ATP8A2: variants seen among roughly 807,000 people sequenced by gnomAD.
ATP8A2 encodes ATPase phospholipid transporting 8A2.
ATP8A2 carries 100 observed loss-of-function variants against 165.6 expected under a neutral mutation model. That is an observed-to-expected ratio of 0.60 (90% CI 0.51 to 0.71). The LOEUF (loss-of-function observed/expected upper bound fraction) is 0.71, where lower values mean the gene tolerates loss of function less well. Among genes scored for constraint, ATP8A2 ranks in the 30% least tolerant of loss-of-function variants. ATP8A2 has a pLI of 0.00. For synonymous variants in ATP8A2, 543 were observed against 548.8 expected, an observed-to-expected ratio of 0.99 and a Z score of 0.15; for missense variants, 1,227 against 1,479.5, an observed-to-expected ratio of 0.83 and a Z score of 2.80.
intron 27 of ATP8A2, among the ~76,000 whole-genome samples, chr13:25,775,685 T>G (rs2044726109): frequency 6.6e-6 from 1 of 152,206 alleles, no homozygotes; most frequent in African/African-American, 2.4e-5. Flanking sequence ...AGGGGGTGGC[T>G]TTTGAGGCCA....
intron 24 of ATP8A2, among the ~76,000 whole-genome samples, chr13:25,610,872 T>C (rs1456286965): frequency 7.0e-6 from 1 of 143,128 alleles, no homozygotes; most frequent in Non-Finnish European, 1.5e-5. Flanking sequence ...CTTCCTTGGT[T>C]AGGTATATTC....
intron 24 of ATP8A2, among the ~76,000 whole-genome samples, chr13:25,658,591 A>G (rs1056036743): frequency 1.3e-5 from 2 of 152,198 alleles, no homozygotes; most frequent in Admixed American, 6.5e-5. Context: ...GTGAGCAGAG[A>G]TCGCACCATT....
chr13:25,442,245 T>C (rs766129608), intron 1 of ATP8A2, among the ~76,000 whole-genome samples: 1 of 152,198 alleles, frequency 6.6e-6, no homozygotes, highest in African/African-American at 2.4e-5. Flanking sequence ...TCCATTCTTT[T>C]GGGTACATAT....
intron 35 of ATP8A2, among the ~76,000 whole-genome samples, chr13:26,001,720 T>C (rs376362127): frequency 6.6e-6 from 1 of 152,200 alleles, no homozygotes; most frequent in African/African-American, 2.4e-5. Context: ...ATCAAGTTGT[T>C]TGTTTTTTTG....
At chr13:25,514,029 A>G (rs1198121276) in intron 2 of ATP8A2, among the ~76,000 whole-genome samples, 1 of 144,218 alleles carries the variant, frequency 6.9e-6, no homozygotes, top group Non-Finnish European at 1.5e-5. Context: ...AGGGAGAGGG[A>G]CTCTTAATAG....
chr13:25,574,598 C>A (rs751266503), intron 18 of ATP8A2, among the ~76,000 whole-genome samples: 5 of 152,224 alleles, frequency 3.3e-5, no homozygotes, highest in Non-Finnish European at 5.9e-5. Context: ...CACTCCCCAA[C>A]TGTTAGCACT....
At chr13:25,852,339 G>T (rs1379861815) in intron 30 of ATP8A2, among the ~76,000 whole-genome samples, 2 of 152,140 alleles carry the variant, frequency 1.3e-5, no homozygotes, top group African/African-American at 4.8e-5. Context: ...CCCAGACAAA[G>T]AATTATCTGG....
chr13:25,457,574 C>T (rs1566147157), intron 1 of ATP8A2, among the ~76,000 whole-genome samples: 1 of 152,166 alleles, frequency 6.6e-6, no homozygotes, highest in Non-Finnish European at 1.5e-5. Flanking sequence ...GATGGATTTA[C>T]ACATACAGAA....
chr13:25,771,060 A>G (rs2044608697), intron 26 of ATP8A2, among the ~76,000 whole-genome samples: 1 of 152,218 alleles, frequency 6.6e-6, no homozygotes, highest in South Asian at 2.1e-4. Context: ...ATGCAGGGAG[A>G]AATTACAAAA....
chr13:26,013,606 G>A (rs1323964973), intron 36 of ATP8A2, among the ~76,000 whole-genome samples: 1 of 152,078 alleles, frequency 6.6e-6, no homozygotes, highest in East Asian at 1.9e-4. Flanking sequence ...CCTAGGAAGC[G>A]GAGGTTGCAG....
At chr13:25,570,311 TCTTG>T (rs2039428842) in intron 16 of ATP8A2, among the ~76,000 whole-genome samples, 1 of 151,880 alleles carries the variant, frequency 6.6e-6, no homozygotes, top group African/African-American at 2.4e-5. Context: ...TTCCGGAGGA[TCTTG>T]CGAGAGTGAG....
At position 25,848,961 on chromosome 13, in the gene ATP8A2, G is replaced by A. The variant is rs985267558; in HGVS notation, c.2956+9337G>A. On this transcript the variant is annotated intron_variant, in intron 30 of 36. Transcript: ENST00000381655. Reference sequence around the variant, plus strand: ...AATCTAGAAGTTGCTAGTTGGGATGGGGTGCGCTTCCTCTGAGCCACTGGA... The same window carrying A: ...AATCTAGAAGTTGCTAGTTGGGATGAGGTGCGCTTCCTCTGAGCCACTGGA... 3.3e-5 allele frequency among the ~76,000 whole-genome samples: 5 copies of A among 151,984 alleles called. No homozygotes were observed. In the South Asian group the frequency reaches 8.3e-4, roughly 25 times the overall value.
At chr13:25,670,151 G>T (rs2042235232) in intron 24 of ATP8A2, among the ~76,000 whole-genome samples, 1 of 152,176 alleles carries the variant, frequency 6.6e-6, no homozygotes, top group Admixed American at 6.5e-5. Context: ...GAAAAAGCTG[G>T]TTGTGTCAGT....
intron 1 of ATP8A2, among the ~76,000 whole-genome samples, chr13:25,398,478 G>T (rs1036020020): frequency 1.3e-5 from 2 of 152,134 alleles, no homozygotes; most frequent in Non-Finnish European, 2.9e-5. Context: ...GTCGGTTGGG[G>T]AGCTTATAAT....
intron 33 of ATP8A2, chr13:25,950,766 A>C (rs1955333652): frequency 6.6e-6 from 1 of 152,192 alleles, no homozygotes; most frequent in Non-Finnish European, 1.5e-5. Context: ...GGGCAGTTGG[A>C]TCTGTACCTG....
intron 25 of ATP8A2, among the ~76,000 whole-genome samples, chr13:25,730,489 A>G (rs185645916): frequency 1.3e-5 from 2 of 152,292 alleles, no homozygotes; most frequent in Admixed American, 1.3e-4. Flanking sequence ...AAATATGTGA[A>G]CTAGAGCTCA....
rs982088499 is a variant in ATP8A2 at position 25,738,758 on chromosome 13, T to C, written c.2385-30288T>C. Among the ~76,000 whole-genome samples the C allele has an allele frequency of 8.5e-5, 13 of 152,366 alleles. No homozygotes were observed. In the East Asian group the frequency reaches 2.5e-3, roughly 29 times the overall value. ...CTTTTATTTCAGGCTGACAACTCTT[T>C]GGATGTAATACAAGATTTATAGTTG... is the stretch of plus-strand genomic sequence containing the variant. On this transcript the variant is annotated intron_variant, in intron 25 of 36. Coordinates refer to ENST00000381655, the MANE Select transcript of ATP8A2 (RefSeq NM_016529.6).
At chr13:25,875,448 T>A (rs1191592654) in intron 33 of ATP8A2, among the ~76,000 whole-genome samples, 1 of 151,744 alleles carries the variant, frequency 6.6e-6, no homozygotes, top group African/African-American at 2.4e-5. Flanking sequence ...ATTGGGTGGG[T>A]CTGTAGTTGG....
intron 36 of ATP8A2, among the ~76,000 whole-genome samples, chr13:26,016,591 G>A (rs1003250333): frequency 6.6e-6 from 1 of 152,154 alleles, no homozygotes; most frequent in Non-Finnish European, 1.5e-5. Flanking sequence ...CTATTCCAAA[G>A]GCTAAGATAC....
Sources: allele counts gnomAD v4.1 joint callset (sites outside exome capture counted in the v4.1 genomes callset), GRCh38; gene constraint gnomAD v4.1.1; transcripts MANE v1.5; gene names NCBI Gene and HGNC (gene_info 2026-07-23, HGNC 2026-07-21).